Variants in FNDC3A observed in about 807,000 individuals in gnomAD.
The protein encoded by FNDC3A is fibronectin type III domain containing 3A.
A neutral mutation model predicts 148.9 loss-of-function variants in FNDC3A; 32 were observed. The observed-to-expected ratio is 0.21, with a 90% CI of 0.16 to 0.29. FNDC3A has a LOEUF of 0.29. Among genes scored for constraint, FNDC3A ranks in the 10% least tolerant of loss-of-function variants. FNDC3A has a pLI of 1.00. For missense variants in FNDC3A, 1,191 were observed against 1,452.8 expected, an observed-to-expected ratio of 0.82 and a Z score of 2.93; for synonymous variants, 472 against 473.6, an observed-to-expected ratio of 1.00 and a Z score of 0.04.
At chr13:49,060,255 G>A (rs562001745) in intron 2 of FNDC3A, among the ~76,000 whole-genome samples, 33 of 152,154 alleles carry the variant, frequency 2.2e-4, no homozygotes, top group Non-Finnish European at 4.3e-4. Context: ...ATTCTAAATA[G>A]CCAGAAGGTG....
intron 1 of FNDC3A, among the ~76,000 whole-genome samples, chr13:48,995,378 T>G (rs1952004749): frequency 6.6e-6 from 1 of 152,122 alleles, no homozygotes; most frequent in Non-Finnish European, 1.5e-5. Flanking sequence ...CTTGTACTGT[T>G]TTATACTTCC....
In FNDC3A at chr13:49,136,494, A is replaced by G. The variant is rs767495523; in HGVS notation, c.653A>G (p.His218Arg). The change falls in exon 6 of 26, where the codon CAT (histidine) becomes CGT (arginine). Residue 218 changes from histidine (H) to arginine (R), a missense_variant. This residue lies in a region of FNDC3A where 426 missense variants were observed against 473.2 expected (regional missense o/e 0.90). Coordinates refer to ENST00000492622, the MANE Select transcript of FNDC3A (RefSeq NM_001079673.2). Reference sequence around the variant, plus strand: ...AAATGCCCTTCTCCCATTAATGAACATAATGGACTTATAAAAGGACAAATT... The same window carrying G: ...AAATGCCCTTCTCCCATTAATGAACGTAATGGACTTATAAAAGGACAAATT... Reference protein sequence around the residue: ...PQKCPSPINEHNGLIKGQIAG... With the variant: ...PQKCPSPINERNGLIKGQIAG... 3.7e-6 allele frequency: 6 copies of G among 1,613,688 alleles called. No homozygotes were observed. The highest frequency in any genetic ancestry group is 2.2e-5 in the East Asian group (1 of 44,880).
rs200983575 is a variant in FNDC3A, at chr13:49,085,875, CCTT to C, written c.175+10512_175+10514del. 4.9e-3 allele frequency among the ~76,000 whole-genome samples: 718 copies of C among 146,940 alleles called. 8 individuals are homozygous for C. The highest frequency in any genetic ancestry group is 0.018 in the African/African-American group (689 of 38,468). The stretch of plus-strand genomic sequence containing the variant: ...TAGGAGTGATCAGTTTCCCATCCAT[CCTT>C]TTTTTTTTTTTTTTTTCCCCTTGAG... On this transcript the variant is annotated intron_variant, in intron 3 of 25. Transcript: ENST00000492622.
At chr13:48,983,456 A>G (rs562668022) in intron 1 of FNDC3A, among the ~76,000 whole-genome samples, 3 of 152,202 alleles carry the variant, frequency 2.0e-5, no homozygotes, top group East Asian at 1.9e-4. Flanking sequence ...ATATGGGCTC[A>G]GTTGCAACTA....
Position 49,145,932 on chromosome 13 carries a change from A to G in FNDC3A, c.974A>G (p.Tyr325Cys). The change falls in exon 8 of 26, where the codon TAT becomes TGT. Residue 325 changes from tyrosine to cysteine, a missense_variant. Tyr to Cys is a radical substitution (Grantham distance 194). Coordinates refer to ENST00000492622, the MANE Select transcript of FNDC3A (RefSeq NM_001079673.2). ...TGKDGKYKSVYVGEETNITLN... is the reference protein window; with the variant it reads ...TGKDGKYKSVCVGEETNITLN... The stretch of plus-strand genomic sequence containing the variant: ...AAAGATGGGAAATACAAAAGTGTAT[A>G]TGTGTAGGTATTTGTTGTTTTGCTT... 6.2e-7 allele frequency: 1 copy of G among 1,604,180 alleles called. No homozygotes were observed. The highest frequency in any genetic ancestry group is 8.5e-7 in the Non-Finnish European group (1 of 1,175,646).
chr13:49,114,058 C>T (rs970225809), intron 3 of FNDC3A, among the ~76,000 whole-genome samples: 4 of 152,122 alleles, frequency 2.6e-5, no homozygotes, highest in East Asian at 1.9e-4. Context: ...GGTAAGTACA[C>T]GTGTGGCATT....
At chr13:49,171,801 C>G (rs1884767976) in intron 10 of FNDC3A, among the ~76,000 whole-genome samples, 1 of 152,130 alleles carries the variant, frequency 6.6e-6, no homozygotes, top group Non-Finnish European at 1.5e-5. Flanking sequence ...ATTAATAGTT[C>G]TTGCTAAAAG....
chr13:49,112,640 A>G (rs910173722), intron 3 of FNDC3A, among the ~76,000 whole-genome samples: 1 of 152,172 alleles, frequency 6.6e-6, no homozygotes, highest in African/African-American at 2.4e-5. Flanking sequence ...AATGTTTACT[A>G]AAAATGTGGT....
chr13:49,054,543 A>G (rs1285356235), intron 2 of FNDC3A, among the ~76,000 whole-genome samples: 1 of 152,204 alleles, frequency 6.6e-6, no homozygotes, highest in African/African-American at 2.4e-5. Flanking sequence ...CACCTTGGGC[A>G]CATGTTCTCA....
At chr13:49,093,478 T>C (rs1879321370) in intron 3 of FNDC3A, among the ~76,000 whole-genome samples, 2 of 152,224 alleles carry the variant, frequency 1.3e-5, no homozygotes, top group African/African-American at 4.8e-5. Context: ...GACTAACCTA[T>C]TCAGTCCTCC....
chr13:48,980,694 T>C (rs887022354), intron 1 of FNDC3A, among the ~76,000 whole-genome samples: 8 of 152,200 alleles, frequency 5.3e-5, no homozygotes, highest in African/African-American at 1.7e-4. Context: ...CAGTTCTGTT[T>C]CCTTCAGTAT....
At chr13:49,035,984 T>C (rs150185867) in intron 2 of FNDC3A, among the ~76,000 whole-genome samples, 212 of 152,276 alleles carry the variant, frequency 1.4e-3, no homozygotes, top group African/African-American at 4.9e-3. Context: ...CCTGTCAGTC[T>C]ACAGATTGAC....
intron 3 of FNDC3A, among the ~76,000 whole-genome samples, chr13:49,093,251 T>A (rs1879305186): frequency 6.6e-6 from 1 of 152,128 alleles, no homozygotes; most frequent in Non-Finnish European, 1.5e-5. Context: ...CATACAGAAA[T>A]TCAGTAAATG....
chr13:49,071,726 G>GT (rs1285994786), intron 2 of FNDC3A, among the ~76,000 whole-genome samples: 12 of 91,396 alleles, frequency 1.3e-4, no homozygotes, highest in South Asian at 6.0e-4. Context: ...CTGATTATTT[G>GT]GTTTTTTTTT....
chr13:49,168,474 C>T, intron 9 of FNDC3A, 139 bp from the exon 10 acceptor site: 1 of 522,740 alleles, frequency 1.9e-6, no homozygotes, highest in Non-Finnish European at 3.3e-6. Flanking sequence ...TAACGGTCAC[C>T]TTTTACTTCT....
rs761554565 is a variant in FNDC3A, at chr13:49,197,881, A to C, written c.2490+7A>C. On this transcript the variant is annotated splice_region_variant and intron_variant, in intron 21 of 25. Transcript: ENST00000492622. ...CTATTATTGCAGGGTCCAGGTAAAG[A>C]TGATCAGTACCTTGTCACTTAACTC... 14 of 1,598,068 alleles carry C rather than the reference A, an allele frequency of 8.8e-6. No homozygotes were observed. Among genetic ancestry groups the C allele is most frequent in the African/African-American group, 1.4e-5 (1 of 73,516 alleles).
intron 8 of FNDC3A, among the ~76,000 whole-genome samples, chr13:49,147,153 G>A (rs963526371): frequency 6.6e-6 from 1 of 152,156 alleles, no homozygotes; most frequent in Non-Finnish European, 1.5e-5. Context: ...GTAAACCTAA[G>A]GGGTAAGTAG....
intron 1 of FNDC3A, among the ~76,000 whole-genome samples, chr13:48,986,748 A>C (rs769330542): frequency 6.6e-6 from 1 of 152,108 alleles, no homozygotes; most frequent in African/African-American, 2.4e-5. Flanking sequence ...ATTAGAGGCA[A>C]TCTTTAACCA....
At chr13:49,109,003 T>G (rs1056716504) in intron 3 of FNDC3A, among the ~76,000 whole-genome samples, 3 of 152,220 alleles carry the variant, frequency 2.0e-5, no homozygotes, top group Admixed American at 6.5e-5. Context: ...CCTTTGAACA[T>G]AGTTTACACT....
Sources: gnomAD v4.1 joint callset for allele counts (sites outside exome capture counted in the v4.1 genomes callset) on GRCh38, gnomAD v4.1.1 for gene constraint, gnomAD v4.1.1 regional missense constraint, MANE v1.5 for transcripts, NCBI Gene and HGNC (gene_info 2026-07-23, HGNC 2026-07-21) for gene names.